Variants in EPS15L1 observed in about 807,000 individuals in gnomAD.
EPS15L1 encodes epidermal growth factor receptor pathway substrate 15 like 1, also known as epidermal growth factor receptor substrate 15-like 1.
In EPS15L1, 43 loss-of-function variants were observed where a neutral mutation model predicts 117.1. That is an observed-to-expected ratio of 0.37 (90% confidence interval 0.29 to 0.47). EPS15L1 has a LOEUF of 0.47. EPS15L1 is among the 20% of genes least tolerant of loss of function. The pLI is 0.99. For synonymous variants in EPS15L1, 459 were observed against 470.5 expected, an observed-to-expected ratio of 0.98 and a Z score of 0.32; for missense variants, 981 against 1,164.0, an observed-to-expected ratio of 0.84 and a Z score of 2.29.
chr19:16,361,243 GA>G (rs2092045686), intron 23 of EPS15L1, among the ~76,000 whole-genome samples: 1 of 112,970 alleles, frequency 8.9e-6, no homozygotes, highest in Admixed American at 1.1e-4. Context: ...GCTGGTAACT[GA>G]AATTTAAAAG....
Position 16,471,851 on chromosome 19 carries a change from G to C in EPS15L1, c.33+62C>G. ...CTGAGTCTCCCAGCGCCTCAGCCTC[G>C]CCGCACCGCTCGCCTCGCGCCCCGC... On this transcript the variant is annotated intron_variant, in intron 1 of 23. Transcript: ENST00000455140. This position sits in a 1 kb window ranked among gnomAD's most constrained non-coding sequence, Gnocchi z 4.8. 1.9e-6 allele frequency: 2 copies of C among 1,066,912 alleles called. No individual in the cohort carries two copies. The highest frequency in any genetic ancestry group is 2.4e-6 in the Non-Finnish European group (2 of 818,282). 66.1% of individuals were successfully genotyped at this position (1,066,912 alleles called of 1,614,324 possible).
In EPS15L1 at chr19:16,371,850, G is replaced by A. The variant is rs767415485; in HGVS notation, c.2380+5272C>T. On this transcript the variant is annotated intron_variant, in intron 22 of 23. Transcript: ENST00000455140. The surrounding 1 kb of genome is among the most constrained non-coding windows in gnomAD (Gnocchi z 4.7). The stretch of plus-strand genomic sequence containing the variant: ...TGAGCTCTGACTGATCTTGATCTCC[G>A]GTCCGTTGCAGAAAATATACCATTG... Among the ~76,000 whole-genome samples, 12 of 152,136 alleles carry A rather than the reference G, an allele frequency of 7.9e-5. No individual in the cohort carries two copies. Among genetic ancestry groups the A allele is most frequent in the Admixed American group, 2.0e-4 (3 of 15,278 alleles).
chr19:16,396,104 T>G, intron 16 of EPS15L1, among the ~76,000 whole-genome samples: 1 of 151,864 alleles, frequency 6.6e-6, no homozygotes, highest in Non-Finnish European at 1.5e-5. Flanking sequence ...ACCCTGTATC[T>G]TTAAAAAAAA....
At chr19:16,460,865 A>G (rs899915826) in intron 1 of EPS15L1, among the ~76,000 whole-genome samples, 16 of 152,240 alleles carry the variant, frequency 1.1e-4, no homozygotes, top group Non-Finnish European at 1.5e-4. Flanking sequence ...ATAACCGTAC[A>G]GTCCTGGTTA....
chr19:16,379,681 G>A (rs2092338479), intron 21 of EPS15L1, among the ~76,000 whole-genome samples: 1 of 151,986 alleles, frequency 6.6e-6, no homozygotes, highest in African/African-American at 2.4e-5. Flanking sequence ...GCCATCTAAG[G>A]CTCCAGCGTT....
chr19:16,426,465 C>T (rs1253645688), intron 8 of EPS15L1, among the ~76,000 whole-genome samples: 1 of 152,086 alleles, frequency 6.6e-6, no homozygotes, highest in African/African-American at 2.4e-5. Context: ...GAAACCGCAT[C>T]TCTACTAAAA....
At chr19:16,356,891 A>C (rs536196232) in intron 23 of EPS15L1, 2 of 152,136 alleles carry the variant, frequency 1.3e-5, no homozygotes, top group Non-Finnish European at 2.9e-5. Flanking sequence ...CCCCTCAGGA[A>C]AGCTGCTGCT....
chr19:16,378,241 A>G (rs1363087695), intron 21 of EPS15L1, among the ~76,000 whole-genome samples: 1 of 151,944 alleles, frequency 6.6e-6, no homozygotes, highest in East Asian at 1.9e-4. Flanking sequence ...GGAAGCTCCA[A>G]GCTCTCATTA....
At position 16,392,381 on chromosome 19, in the gene EPS15L1, C is replaced by T. The variant is rs143261397; in HGVS notation, c.2026G>A (p.Asp676Asn). The T allele has an allele frequency of 1.1e-5, 18 of 1,614,086 alleles. No homozygotes were observed. Among genetic ancestry groups the T allele is most frequent in the East Asian group, 4.5e-5 (2 of 44,878 alleles). ...TTCTTTGTCTGTTTCTTGAAGAAGT[C>T]GTCAGTGGCAGAGCCACGGAATGGG... is the stretch of plus-strand genomic sequence containing the variant. ...SDPFRGSATD[D>N]FFKKQTKNDP... The change falls in exon 19 of 24, where the codon GAC becomes AAC. Residue 676 changes from aspartate (D) to asparagine (N), a missense_variant. Coordinates refer to ENST00000455140, the MANE Select transcript of EPS15L1 (RefSeq NM_001258374.3).
rs757016033 is a variant in EPS15L1, at chr19:16,399,611, C to T, written c.1791+2710G>A. On this transcript the variant is annotated intron_variant, in intron 16 of 23. Coordinates refer to ENST00000455140, the MANE Select transcript of EPS15L1 (RefSeq NM_001258374.3). ...CTTCTGCCAATTCCTGTGGTGTAAA[C>T]AGTCTCATCATGGTTGATTTCAAGT... Among the ~76,000 whole-genome samples the T allele has an allele frequency of 3.0e-4, 45 of 151,924 alleles. 1 individual carries two copies. The highest frequency in any genetic ancestry group is 3.4e-4 in the Non-Finnish European group (23 of 68,008).
intron 1 of EPS15L1, among the ~76,000 whole-genome samples, chr19:16,447,324 G>A (rs1248018928): frequency 6.6e-6 from 1 of 152,218 alleles, no homozygotes; most frequent in Non-Finnish European, 1.5e-5. Context: ...AAGAGAAGGA[G>A]AAGACTTGGC....
intron 1 of EPS15L1, among the ~76,000 whole-genome samples, chr19:16,467,298 G>A (rs1207404777): frequency 2.0e-5 from 3 of 151,760 alleles, no homozygotes; most frequent in South Asian, 2.1e-4. Context: ...ACAGGCGTCC[G>A]CCAGGACGCC....
intron 13 of EPS15L1, among the ~76,000 whole-genome samples, chr19:16,406,555 C>A (rs117047710): frequency 0.011 from 1,685 of 152,306 alleles, 15 homozygotes; most frequent in Middle Eastern, 0.031. Flanking sequence ...GGCCCCATCA[C>A]CGGGTAACGC....
chr19:16,444,982 G>C (rs1421470189), intron 1 of EPS15L1, among the ~76,000 whole-genome samples: 1 of 152,154 alleles, frequency 6.6e-6, no homozygotes, highest in Admixed American at 6.5e-5. Context: ...GCCTCCCAAA[G>C]TGCTGGGATT....
rs1051355415 is a variant in EPS15L1 at position 16,377,148 on chromosome 19, G to T, written c.2354C>A (p.Ala785Asp). 1 of 1,608,880 alleles carries T rather than the reference G, an allele frequency of 6.2e-7. No homozygotes were observed. Among genetic ancestry groups the T allele is most frequent in the Non-Finnish European group, 8.5e-7 (1 of 1,177,920 alleles). The change falls in exon 22 of 24, where the codon GCT (alanine) becomes GAT (aspartate). Residue 785 changes from alanine to aspartate, a missense_variant. Ala to Asp is a moderately radical substitution (Grantham distance 126, BLOSUM62 -2). Coordinates refer to ENST00000455140, the MANE Select transcript of EPS15L1 (RefSeq NM_001258374.3). The part of the protein sequence containing the change: ...DTPALPPKKP[A>D]PPRPKPPSGK... ...GCTGGGCGGTTTAGGCCGTGGAGGAGCAGGTTTCTTCGGAGGCAGAGCAGG... is the reference window on the plus strand; with the variant it reads ...GCTGGGCGGTTTAGGCCGTGGAGGATCAGGTTTCTTCGGAGGCAGAGCAGG...
rs529120918 is a variant in EPS15L1, at chr19:16,385,398, C to T, written c.2165-187G>A. Among the ~76,000 whole-genome samples the T allele has an allele frequency of 7.2e-5, 11 of 152,292 alleles. No individual in the cohort carries two copies. In the South Asian group the frequency reaches 8.3e-4, roughly 11 times the overall value. ...CCCTGCCCACTCTGGCATGGCAAGA[C>T]GGTTTCTCACTGTGACGACCACTCT... On this transcript the variant is annotated intron_variant, in intron 20 of 23. Transcript: ENST00000455140.
intron 12 of EPS15L1, among the ~76,000 whole-genome samples, chr19:16,415,136 G>C (rs2092746118): frequency 6.6e-6 from 1 of 152,194 alleles, no homozygotes; most frequent in Admixed American, 6.5e-5. Context: ...CCAGGGTTTA[G>C]TGCCCTTATA....
chr19:16,370,349 C>A lies in EPS15L1; in HGVS notation c.2380+6773G>T, dbSNP rs543672269. Among the ~76,000 whole-genome samples the A allele has an allele frequency of 3.3e-5, 5 of 152,156 alleles. No individual in the cohort carries two copies. The highest frequency in any genetic ancestry group is 7.3e-5 in the Non-Finnish European group (5 of 68,030). Reference sequence around the variant, plus strand: ...CAGGGAGGCGGTGCCCAGAGCTGCACCCAGAGCCCCCTTCTGAGGCGTCTG... The same window carrying A: ...CAGGGAGGCGGTGCCCAGAGCTGCAACCAGAGCCCCCTTCTGAGGCGTCTG... On this transcript the variant is annotated intron_variant, in intron 22 of 23. Coordinates refer to ENST00000455140, the MANE Select transcript of EPS15L1 (RefSeq NM_001258374.3). This position sits in a 1 kb window ranked among gnomAD's most constrained non-coding sequence, Gnocchi z 5.2.
intron 17 of EPS15L1, among the ~76,000 whole-genome samples, chr19:16,394,329 C>T (rs1013830734): frequency 1.4e-5 from 2 of 139,594 alleles, no homozygotes; most frequent in African/African-American, 5.2e-5. Context: ...TTTCCTTTAT[C>T]CCATCTGCCT....
Sources: gnomAD v4.1 joint callset for allele counts (sites outside exome capture counted in the v4.1 genomes callset) on GRCh38, gnomAD v4.1.1 for gene constraint, Gnocchi (gnomAD v3.1) non-coding constraint, MANE v1.5 for transcripts, NCBI Gene and HGNC (gene_info 2026-07-23, HGNC 2026-07-21) for gene names.